Variants in FKTN observed in about 807,000 individuals in gnomAD.
The protein encoded by FKTN is ribitol-5-phosphate transferase FKTN.
In FKTN, 47 loss-of-function variants were observed where a neutral mutation model predicts 58.6. The ratio of observed to expected loss-of-function variants is 0.80; its 90% CI spans 0.63 to 1.02. FKTN has a LOEUF of 1.02. FKTN is among the 50% of genes least tolerant of loss of function. The pLI is 0.00. For missense variants in FKTN, 516 were observed against 537.3 expected (o/e 0.96, Z 0.39); for synonymous variants, 178 against 191.9 (o/e 0.93, Z 0.60).
rs1444823507 is a variant in FKTN, at chr9:105,639,500, A to G, written c.*4236A>G. ...AATGAAGTATACAGTTCTTAGCCTC[A>G]GGCCTAGGATTAAGTAAGTACTCAA... On this transcript the variant is annotated 3_prime_UTR_variant, in exon 11 of 11. Transcript: ENST00000357998. 2 of 784,098 alleles carry G rather than the reference A, an allele frequency of 2.6e-6. No individual in the cohort carries two copies. Among genetic ancestry groups the G allele is most frequent in the African/African-American group, 1.9e-5 (1 of 53,220 alleles). The allele number at this position is 784,098 out of a possible 1,614,324, so 48.6% of individuals were successfully genotyped here.
chr9:105,641,024 G>A lies in FKTN; in HGVS notation c.*5760G>A, dbSNP rs1291463773. ...TATCTTCAGGTACAGATAGTTTGTG[G>A]TACTACTTGAAAATACCTTTAATAT... On this transcript the variant is annotated 3_prime_UTR_variant, in exon 11 of 11. Coordinates refer to ENST00000357998, the MANE Select transcript of FKTN (RefSeq NM_001079802.2). 6.6e-6 allele frequency: 1 copy of A among 152,124 alleles called. No individual in the cohort carries two copies. Among genetic ancestry groups the A allele is most frequent in the African/African-American group, 2.4e-5 (1 of 41,430 alleles). The allele number at this position is 152,124 out of a possible 1,614,324, so 9.4% of individuals were successfully genotyped here. A position where few individuals can be genotyped will look rare whatever the true frequency, so the allele number is the denominator to read the frequency against.
intron 3 of FKTN, among the ~76,000 whole-genome samples, chr9:105,581,422 T>G (rs1344575640): frequency 1.3e-5 from 2 of 149,460 alleles, no homozygotes; most frequent in African/African-American, 5.0e-5. Flanking sequence ...TGGAGTACCC[T>G]GCCTTGTGAG....
chr9:105,581,750 G>A (rs1364402817), intron 3 of FKTN, among the ~76,000 whole-genome samples: 1 of 152,202 alleles, frequency 6.6e-6, no homozygotes, highest in Non-Finnish European at 1.5e-5. Flanking sequence ...GCAATGGCGG[G>A]CGCCCCTCCC....
intron 4 of FKTN, chr9:105,598,509 G>C (rs1213823061): frequency 1.3e-5 from 2 of 153,502 alleles, no homozygotes; most frequent in Non-Finnish European, 2.9e-5. Flanking sequence ...TACACAGGCA[G>C]ATGAATGGGC....
rs1834032133 is a variant in FKTN, at chr9:105,636,327, T to G, written c.*1063T>G. ...TACCAATTTAAATGGCATGTAAACC[T>G]GCCTGTTTCTTCTCCTCTTCTAATA... On this transcript the variant is annotated 3_prime_UTR_variant, in exon 11 of 11. Coordinates refer to ENST00000357998, the MANE Select transcript of FKTN (RefSeq NM_001079802.2). The G allele has an allele frequency of 1.0e-6, 1 of 979,488 alleles. No homozygotes were observed. Among genetic ancestry groups the G allele is most frequent in the African/African-American group, 1.8e-5 (1 of 57,134 alleles). The allele number at this position is 979,488 out of a possible 1,614,324, so 60.7% of individuals were successfully genotyped here.
At chr9:105,580,570 C>T (rs1414433862) in intron 3 of FKTN, among the ~76,000 whole-genome samples, 6 of 96,760 alleles carry the variant, frequency 6.2e-5, no homozygotes, top group Non-Finnish European at 1.0e-4. Flanking sequence ...TTGAGGGTAA[C>T]CCGACCTTTC....
intron 7 of FKTN, among the ~76,000 whole-genome samples, chr9:105,609,218 T>G (rs1418914296): frequency 1.3e-5 from 2 of 152,198 alleles, no homozygotes; most frequent in African/African-American, 2.4e-5. Context: ...GTCTTAAATG[T>G]AATGCTTGGT....
chr9:105,567,373 T>C (rs188361045), intron 1 of FKTN, among the ~76,000 whole-genome samples: 3 of 152,186 alleles, frequency 2.0e-5, no homozygotes, highest in African/African-American at 4.8e-5. Flanking sequence ...TGTTTGCAGA[T>C]GACATGATTG....
intron 1 of FKTN, among the ~76,000 whole-genome samples, chr9:105,559,419 C>G (rs1461608668): frequency 6.6e-6 from 1 of 152,192 alleles, no homozygotes; most frequent in African/African-American, 2.4e-5. Context: ...CGGTGGCTCA[C>G]GCCTGTAATC....
intron 8 of FKTN, among the ~76,000 whole-genome samples, chr9:105,616,879 C>CAAA (rs377163590): frequency 1.7e-5 from 2 of 119,876 alleles, no homozygotes; most frequent in Non-Finnish European, 1.8e-5. Flanking sequence ...TAGAATAAGC[C>CAAA]AAAAAAAAAA....
chr9:105,618,259 G>A (rs1213716780), intron 9 of FKTN, among the ~76,000 whole-genome samples, 167 bp downstream of exon 9: 1 of 152,156 alleles, frequency 6.6e-6, no homozygotes, highest in Non-Finnish European at 1.5e-5. Flanking sequence ...TTTCTGCACT[G>A]TCTAGGCAAA....
chr9:105,623,901 T>C (rs1386286079), intron 10 of FKTN, among the ~76,000 whole-genome samples: 1 of 152,230 alleles, frequency 6.6e-6, no homozygotes, highest in Non-Finnish European at 1.5e-5. Context: ...TTAGGTAGAC[T>C]TAGGAGAAAT....
At chr9:105,611,624 G>A (rs1026747405) in intron 7 of FKTN, among the ~76,000 whole-genome samples, 4 of 152,128 alleles carry the variant, frequency 2.6e-5, no homozygotes, top group African/African-American at 9.7e-5. Context: ...GTGTTAGTTT[G>A]CTAAAGATAA....
chr9:105,620,448 T>C (rs1437206411), intron 10 of FKTN, among the ~76,000 whole-genome samples: 2 of 152,190 alleles, frequency 1.3e-5, no homozygotes, highest in Admixed American at 1.3e-4. Context: ...TTACATTGAG[T>C]AATACTACTG....
chr9:105,617,888 A>T (rs1831112537), intron 8 of FKTN, 71 bp from the exon 9 acceptor site: 1 of 986,056 alleles, frequency 1.0e-6, no homozygotes, highest in East Asian at 2.6e-5. Flanking sequence ...CTTGTTACAA[A>T]TATAATTTGT....
intron 3 of FKTN, among the ~76,000 whole-genome samples, chr9:105,577,504 C>G (rs1367508511): frequency 2.1e-5 from 3 of 145,256 alleles, no homozygotes; most frequent in East Asian, 2.0e-4. Context: ...TTTCTGAGGG[C>G]TCTGTTCTGT....
At chr9:105,583,910 T>C (rs567615901) in intron 3 of FKTN, among the ~76,000 whole-genome samples, 6 of 152,330 alleles carry the variant, frequency 3.9e-5, no homozygotes, top group African/African-American at 1.4e-4. Context: ...ATTGTCCCAA[T>C]ATCCCTTATT....
chr9:105,637,023 C>T lies in FKTN; in HGVS notation c.*1759C>T. 1 of 995,348 alleles carries T rather than the reference C, an allele frequency of 1.0e-6. No individual in the cohort carries two copies. Among genetic ancestry groups the T allele is most frequent in the Middle Eastern group, 5.1e-4 (1 of 1,954 alleles). 61.7% of individuals were successfully genotyped at this position (995,348 alleles called of 1,614,324 possible). On this transcript the variant is annotated 3_prime_UTR_variant, in exon 11 of 11. Transcript: ENST00000357998. The stretch of plus-strand genomic sequence containing the variant: ...AACTTGTCCCAAAATGGCACATCAT[C>T]ATAATCCATTTTCTCTTTGCTAGAA...
At position 105,639,054 on chromosome 9, in the gene FKTN, G is replaced by T; in HGVS notation, c.*3790G>T. 3.0e-6 allele frequency: 3 copies of T among 985,288 alleles called. No individual in the cohort carries two copies. The highest frequency in any genetic ancestry group is 3.6e-6 in the Non-Finnish European group (3 of 829,856). The allele number at this position is 985,288 out of a possible 1,614,324, so 61.0% of individuals were successfully genotyped here. ...CCCCTAGTTTCACTTTCTGGAAAGT[G>T]AACAGTTTTTTAAATCCTAAATGTT... On this transcript the variant is annotated 3_prime_UTR_variant, in exon 11 of 11. Coordinates refer to ENST00000357998, the MANE Select transcript of FKTN (RefSeq NM_001079802.2).
Sources: gnomAD v4.1 joint callset for allele counts (sites outside exome capture counted in the v4.1 genomes callset) on GRCh38, gnomAD v4.1.1 for gene constraint, MANE v1.5 for transcripts, NCBI Gene and HGNC (gene_info 2026-07-23, HGNC 2026-07-21) for gene names.